Variants in WDPCP observed in about 807,000 individuals in gnomAD.
The protein encoded by WDPCP is WD repeat containing planar cell polarity effector, also known as WD repeat-containing and planar cell polarity effector protein fritz homolog.
WDPCP carries 71 observed loss-of-function variants against 93.1 expected under a neutral mutation model. That is an observed-to-expected ratio of 0.76 (90% confidence interval 0.63 to 0.93). The LOEUF is 0.93. WDPCP is among the 40% of genes least tolerant of loss of function. The pLI is 0.00. For missense variants in WDPCP, 844 were observed against 887.4 expected, an observed-to-expected ratio of 0.95 and a Z score of 0.62; for synonymous variants, 315 against 315.0, an observed-to-expected ratio of 1.00 and a Z score of 0.00.
chr2:63,230,595 C>G (rs1353792435), intron 14 of WDPCP, among the ~76,000 whole-genome samples: 1 of 152,102 alleles, frequency 6.6e-6, no homozygotes, highest in Non-Finnish European at 1.5e-5. Context: ...CTCTCCAGCA[C>G]CTATTGTTTC....
At chr2:63,169,665 T>C (rs1673236500) in intron 15 of WDPCP, among the ~76,000 whole-genome samples, 1 of 152,174 alleles carries the variant, frequency 6.6e-6, no homozygotes, top group African/African-American at 2.4e-5. Context: ...TTGTTTTATT[T>C]TTTCTTTTTC....
At chr2:63,527,127 G>C (rs974216505) in intron 1 of WDPCP, among the ~76,000 whole-genome samples, 3 of 152,014 alleles carry the variant, frequency 2.0e-5, no homozygotes, top group Non-Finnish European at 2.9e-5. Flanking sequence ...ATTCCTGCAA[G>C]CAAGGCACTG....
intron 13 of WDPCP, among the ~76,000 whole-genome samples, chr2:63,292,435 A>G (rs929677923): frequency 2.6e-5 from 4 of 152,134 alleles, no homozygotes; most frequent in African/African-American, 9.7e-5. Context: ...AATATAAGAC[A>G]TGTTTAATGT....
chr2:63,120,722 G>C lies in WDPCP; in HGVS notation c.*1284C>G, dbSNP rs1489708339. On this transcript the variant is annotated 3_prime_UTR_variant, in exon 18 of 18. Transcript: ENST00000272321. The stretch of plus-strand genomic sequence containing the variant: ...TTTTTTTTTTTGTATTTTTAGTAGA[G>C]ACGGGGTTTCACCATGTTGTCTAGG... Among the ~76,000 whole-genome samples the C allele has an allele frequency of 1.3e-5, 2 of 150,684 alleles. No homozygotes were observed. Among genetic ancestry groups the C allele is most frequent in the African/African-American group, 4.9e-5 (2 of 40,944 alleles).
intron 14 of WDPCP, among the ~76,000 whole-genome samples, chr2:63,183,672 G>A (rs937509198): frequency 1.3e-5 from 2 of 151,976 alleles, no homozygotes; most frequent in African/African-American, 4.8e-5. Context: ...TTTAAGCCCA[G>A]TGTTTCCTTG....
rs916049882 is a variant in WDPCP at position 63,345,984 on chromosome 2, C to T, written c.1748+32402G>A. Among the ~76,000 whole-genome samples, 10 of 152,050 alleles carry T rather than the reference C, an allele frequency of 6.6e-5. No homozygotes were observed. The South Asian group carries it at 1.5e-3, about 22-fold the overall frequency. Reference sequence around the variant, plus strand: ...ATACAACTAAAGAGTTGCAAGAATTCGACACTATGTGCCAGCAAAAATAGG... The same window carrying T: ...ATACAACTAAAGAGTTGCAAGAATTTGACACTATGTGCCAGCAAAAATAGG... On this transcript the variant is annotated intron_variant, in intron 12 of 17. Coordinates refer to ENST00000272321, the MANE Select transcript of WDPCP (RefSeq NM_015910.7).
At chr2:63,522,451 G>GACACACAC (rs1342647114) in intron 1 of WDPCP, among the ~76,000 whole-genome samples, 1,001 of 91,820 alleles carry the variant, frequency 0.011, 6 homozygotes, top group Non-Finnish European at 0.014. Context: ...CAGACAGACA[G>GACACACAC]ACAGACACAC....
At chr2:63,605,192 C>T (rs1027072930) in intron 3 of WDPCP, 5 of 864,296 alleles carry the variant, frequency 5.8e-6, no homozygotes, top group Non-Finnish European at 9.4e-6. Flanking sequence ...CTGGTCATAG[C>T]TTTTCACCCC....
intron 13 of WDPCP, among the ~76,000 whole-genome samples, chr2:63,292,816 G>C (rs909798625): frequency 6.6e-6 from 1 of 152,194 alleles, no homozygotes; most frequent in Non-Finnish European, 1.5e-5. Flanking sequence ...AATTGTTTTG[G>C]AACTATGGAG....
rs374852327 is a variant in WDPCP, at chr2:63,250,170, G to C, written c.1915+9137C>G. ...GTCATTATTAAGTAAAATACAGGTTGCGTGAATACAAGCAGTGCTACACCA... is the reference window on the plus strand; with the variant it reads ...GTCATTATTAAGTAAAATACAGGTTCCGTGAATACAAGCAGTGCTACACCA... On this transcript the variant is annotated intron_variant, in intron 14 of 17. Transcript: ENST00000272321. Among the ~76,000 whole-genome samples the C allele has an allele frequency of 3.3e-5, 5 of 152,222 alleles. No individual in the cohort carries two copies. The East Asian group carries it at 9.7e-4, about 30-fold the overall frequency.
intron 13 of WDPCP, among the ~76,000 whole-genome samples, chr2:63,268,686 G>T (rs1682368255): frequency 6.6e-6 from 1 of 151,074 alleles, no homozygotes; most frequent in African/African-American, 2.4e-5. Flanking sequence ...TTGCCATGTT[G>T]CCCAGGCTGG....
At chr2:63,603,291 C>G (rs909689238) in intron 3 of WDPCP, among the ~76,000 whole-genome samples, 3 of 152,114 alleles carry the variant, frequency 2.0e-5, no homozygotes, top group Non-Finnish European at 4.4e-5. Flanking sequence ...TGAGTTGTTT[C>G]AGTTTGGAGC....
At chr2:63,708,988 A>AG (rs902610633) in intron 2 of WDPCP, among the ~76,000 whole-genome samples, 1 of 126,334 alleles carries the variant, frequency 7.9e-6, no homozygotes, top group African/African-American at 3.0e-5. Flanking sequence ...TGGGAGGCCG[A>AG]GGGGGGTGGA....
intron 1 of WDPCP, chr2:63,517,806 C>T (rs1402135669): frequency 6.6e-6 from 1 of 152,210 alleles, no homozygotes; most frequent in African/African-American, 2.4e-5. Context: ...CTACTTCAAT[C>T]TGTAGTTAGA....
chr2:63,838,385 A>G, the WDPCP span, among the ~76,000 whole-genome samples: 4 of 152,356 alleles, frequency 2.6e-5, no homozygotes, highest in East Asian at 5.8e-4. Context: ...GAGTTTCCTC[A>G]AGTTTCTATG....
intron 14 of WDPCP, among the ~76,000 whole-genome samples, chr2:63,249,892 C>T (rs1036175551): frequency 1.5e-4 from 23 of 152,220 alleles, no homozygotes; most frequent in Admixed American, 1.3e-4. Flanking sequence ...TAGCTAAGCA[C>T]TTATCACACA....
chr2:63,801,659 GC>G (rs1670697118), intron 2 of WDPCP, among the ~76,000 whole-genome samples: 1 of 152,094 alleles, frequency 6.6e-6, no homozygotes, highest in Non-Finnish European at 1.5e-5. Flanking sequence ...ACTGATTGGT[GC>G]GTTTTACAGA....
chr2:63,264,881 C>T (rs914902284), intron 13 of WDPCP, among the ~76,000 whole-genome samples: 2 of 152,100 alleles, frequency 1.3e-5, no homozygotes, highest in African/African-American at 2.4e-5. Flanking sequence ...TTTCTGACCA[C>T]GATGGCATGA....
intron 6 of WDPCP, among the ~76,000 whole-genome samples, chr2:63,455,855 T>C (rs999042951): frequency 2.0e-5 from 3 of 152,126 alleles, no homozygotes; most frequent in African/African-American, 7.2e-5. Flanking sequence ...GAACATTTTA[T>C]CCAAAACCTG....
Sources: gnomAD v4.1 joint callset for allele counts (sites outside exome capture counted in the v4.1 genomes callset) on GRCh38, gnomAD v4.1.1 for gene constraint, MANE v1.5 for transcripts, NCBI Gene and HGNC (gene_info 2026-07-23, HGNC 2026-07-21) for gene names.